OGDH: variants seen among roughly 807,000 people sequenced by gnomAD.
OGDH encodes oxoglutarate dehydrogenase, also known as 2-oxoglutarate dehydrogenase complex component E1.
In OGDH, 38 loss-of-function variants were observed where a neutral mutation model predicts 116.6. The observed-to-expected ratio is 0.33, with a 90% CI of 0.25 to 0.43. The LOEUF is 0.43. Among genes scored for constraint, OGDH ranks in the 20% least tolerant of loss-of-function variants. The probability of loss-of-function intolerance (pLI) is 1.00; values close to 1 mark genes in which losing one functional copy is unlikely to be tolerated. For missense variants in OGDH, 825 were observed against 1,357.2 expected (o/e 0.61, Z 6.16); for synonymous variants, 488 against 533.3 (o/e 0.92, Z 1.17).
chr7:44,673,746 G>T, intron 5 of OGDH, 41 bp from the exon 6 acceptor site: 1 of 1,607,408 alleles, frequency 6.2e-7, no homozygotes, highest in Non-Finnish European at 8.5e-7. Flanking sequence ...AGCCAGGCCT[G>T]GTTAGAAATC....
intron 1 of OGDH, among the ~76,000 whole-genome samples, chr7:44,616,481 A>T (rs1379602974): frequency 6.6e-6 from 1 of 152,006 alleles, no homozygotes; most frequent in Non-Finnish European, 1.5e-5. Context: ...TAAATGATGG[A>T]GACAGCCTAC....
chr7:44,647,321 G>T, intron 3 of OGDH: 1 of 632,046 alleles, frequency 1.6e-6, no homozygotes, highest in Non-Finnish European at 2.8e-6. Flanking sequence ...AACTAATTTT[G>T]TCGTATGGGT....
intron 1 of OGDH, among the ~76,000 whole-genome samples, chr7:44,620,575 T>C (rs1784972277): frequency 6.6e-6 from 1 of 152,248 alleles, no homozygotes. Context: ...GCACCTTCAG[T>C]TGAAAAGACT....
chr7:44,689,199 T>C (rs1788262653), intron 10 of OGDH, among the ~76,000 whole-genome samples: 1 of 149,470 alleles, frequency 6.7e-6, no homozygotes, highest in Admixed American at 6.7e-5. Context: ...TGGAAATATA[T>C]CAGGGTTCCT....
intron 10 of OGDH, among the ~76,000 whole-genome samples, chr7:44,682,403 GA>G (rs1347202208): frequency 1.3e-5 from 2 of 149,532 alleles, no homozygotes; most frequent in Admixed American, 6.7e-5. Flanking sequence ...AAAAAGAAAA[GA>G]AAAAAAGTTA....
chr7:44,616,834 T>C (rs1220051369), intron 1 of OGDH, among the ~76,000 whole-genome samples: 1 of 130,314 alleles, frequency 7.7e-6, no homozygotes, highest in African/African-American at 3.1e-5. Flanking sequence ...TGTGTATATA[T>C]ACACATATAC....
At chr7:44,606,974 G>A (rs968540315) in intron 1 of OGDH, among the ~76,000 whole-genome samples, 5 of 152,168 alleles carry the variant, frequency 3.3e-5, no homozygotes, top group African/African-American at 1.2e-4. Context: ...GGCGGGCGCG[G>A]CGGCGGATGT....
intron 1 of OGDH, among the ~76,000 whole-genome samples, chr7:44,617,042 C>T (rs146852328): frequency 1.3e-5 from 2 of 149,102 alleles, no homozygotes; most frequent in African/African-American, 2.5e-5. Context: ...AGCAATTCTC[C>T]TGCCTCAGCC....
At chr7:44,619,750 A>T (rs1240716624) in intron 1 of OGDH, among the ~76,000 whole-genome samples, 1 of 152,166 alleles carries the variant, frequency 6.6e-6, no homozygotes, top group Non-Finnish European at 1.5e-5. Context: ...TTTTGTGGAC[A>T]TACATTTTCA....
At chr7:44,701,869 C>T (rs189702482) in intron 20 of OGDH, among the ~76,000 whole-genome samples, 40 of 152,180 alleles carry the variant, frequency 2.6e-4, no homozygotes, top group Non-Finnish European at 4.3e-4. Flanking sequence ...GTCGGGAGTT[C>T]GAGACTAGCC....
chr7:44,630,047 G>A (rs1049430735), intron 2 of OGDH, among the ~76,000 whole-genome samples: 45 of 152,312 alleles, frequency 3.0e-4, no homozygotes, highest in African/African-American at 9.4e-4. Context: ...TGTCGACACC[G>A]TTCTGCTTCC....
intron 2 of OGDH, among the ~76,000 whole-genome samples, chr7:44,640,424 C>T (rs1230454982): frequency 6.6e-6 from 1 of 152,046 alleles, no homozygotes; most frequent in East Asian, 1.9e-4. Context: ...ATACCTATCC[C>T]TGCTGCTATT....
chr7:44,672,847 T>C lies in OGDH; in HGVS notation c.634-940T>C, dbSNP rs113324249. The stretch of plus-strand genomic sequence containing the variant: ...TAGTAGAGACGGGGTTTCACCATAT[T>C]GGTCAGGCTGGTCTCAAACTCCTGA... On this transcript the variant is annotated intron_variant, in intron 5 of 22. Coordinates refer to ENST00000222673, the MANE Select transcript of OGDH (RefSeq NM_002541.4). 5.8e-3 allele frequency among the ~76,000 whole-genome samples: 878 copies of C among 152,124 alleles called. 10 individuals are homozygous for C. Among genetic ancestry groups the C allele is most frequent in the African/African-American group, 0.019 (800 of 41,484 alleles).
At chr7:44,706,820 C>T (rs541528520) in intron 20 of OGDH, among the ~76,000 whole-genome samples, 222 of 151,684 alleles carry the variant, frequency 1.5e-3, no homozygotes, top group African/African-American at 5.0e-3. Flanking sequence ...GACGGGGTTT[C>T]ACCATGTTGC....
At position 44,678,752 on chromosome 7, in the gene OGDH, T is replaced by A. The variant is rs1305364847; in HGVS notation, c.1206+2603T>A. Among the ~76,000 whole-genome samples, 3 of 152,332 alleles carry A rather than the reference T, an allele frequency of 2.0e-5. No individual in the cohort carries two copies. In the East Asian group the frequency reaches 5.8e-4, roughly 29 times the overall value. On this transcript the variant is annotated intron_variant, in intron 9 of 22. Transcript: ENST00000222673. ...GTCATTGCAGGCTCAGCCATCTGCC[T>A]GTTCTTCTTACTCCTCTTGACACCC...
chr7:44,677,303 A>G (rs1787743082), intron 9 of OGDH, among the ~76,000 whole-genome samples: 1 of 152,214 alleles, frequency 6.6e-6, no homozygotes, highest in South Asian at 2.1e-4. Flanking sequence ...ACGGCATGAT[A>G]GGAAACTGGA....
chr7:44,696,501 C>T lies in OGDH; in HGVS notation c.1844C>T (p.Thr615Ile), dbSNP rs773035937. 76 of 1,614,106 alleles carry T rather than the reference C, an allele frequency of 4.7e-5. No homozygotes were observed. The East Asian group carries it at 1.6e-3, about 35-fold the overall frequency. The change falls in exon 14 of 23, where the codon ACA becomes ATA. Residue 615 changes from threonine to isoleucine, a missense_variant. Physicochemically the swap from Thr to Ile is moderately conservative, Grantham distance 89 (BLOSUM62 -1). This residue lies in a region of OGDH where 92 missense variants were observed against 129.7 expected (regional missense o/e 0.71). Coordinates refer to ENST00000222673, the MANE Select transcript of OGDH (RefSeq NM_002541.4). ...ACGGGTCTGACGGAGGATATTCTGA[C>T]ACACATCGGGAATGTGGCTAGTTCT... is the stretch of plus-strand genomic sequence containing the variant. ...PSTGLTEDIL[T>I]HIGNVASSVP...
chr7:44,687,975 T>A (rs1002773237), intron 10 of OGDH, among the ~76,000 whole-genome samples: 1 of 152,192 alleles, frequency 6.6e-6, no homozygotes, highest in African/African-American at 2.4e-5. Flanking sequence ...TCTCTATAGA[T>A]GTATTTATTC....
intron 1 of OGDH, among the ~76,000 whole-genome samples, chr7:44,610,943 A>C (rs1250431253): frequency 6.6e-6 from 1 of 152,152 alleles, no homozygotes; most frequent in Non-Finnish European, 1.5e-5. Context: ...TTTGCAAAGC[A>C]AAAGTTTATA....
Sources: allele counts gnomAD v4.1 joint callset (sites outside exome capture counted in the v4.1 genomes callset), GRCh38; gene constraint gnomAD v4.1.1; regional missense constraint gnomAD v4.1.1; transcripts MANE v1.5; gene names NCBI Gene and HGNC (gene_info 2026-07-23, HGNC 2026-07-21).